Variants in PACRG observed in about 807,000 individuals in gnomAD.
The protein encoded by PACRG is parkin coregulated.
Under a neutral mutation model 29.7 loss-of-function variants are expected in PACRG, and 29 were observed. The ratio of observed to expected loss-of-function variants is 0.98; its 90% confidence interval spans 0.73 to 1.33. PACRG has a LOEUF of 1.33. PACRG is among the 40% of genes most tolerant of loss of function. The pLI is 0.00. For synonymous variants in PACRG, 116 were observed against 118.7 expected (o/e 0.98, Z 0.15); for missense variants, 279 against 316.2 (o/e 0.88, Z 0.89).
intron 4 of PACRG, among the ~76,000 whole-genome samples, chr6:163,284,856 G>A (rs1784341644): frequency 6.6e-6 from 1 of 152,074 alleles, no homozygotes; most frequent in African/African-American, 2.4e-5. Flanking sequence ...AGAAATACAG[G>A]TATCCCTCTC....
At chr6:162,856,469 A>G (rs1791408173) in intron 2 of PACRG, among the ~76,000 whole-genome samples, 1 of 152,170 alleles carries the variant, frequency 6.6e-6, no homozygotes, top group South Asian at 2.1e-4. Flanking sequence ...TCATTTCAAC[A>G]TGATGAAGGT....
chr6:163,163,604 C>T (rs111576860), intron 4 of PACRG, among the ~76,000 whole-genome samples: 216 of 152,128 alleles, frequency 1.4e-3, no homozygotes, highest in African/African-American at 4.9e-3. Context: ...ATTTAAATGC[C>T]GAGGATTTTA....
At chr6:163,268,525 A>G (rs2128178284) in intron 4 of PACRG, among the ~76,000 whole-genome samples, 1 of 152,322 alleles carries the variant, frequency 6.6e-6, no homozygotes, top group South Asian at 2.1e-4. Flanking sequence ...CACATTTCCA[A>G]CACTATAGTA....
In PACRG at chr6:162,772,216, C is replaced by T. The variant is rs1783274578; in HGVS notation, c.157-41931C>T. Among the ~76,000 whole-genome samples, 6 of 152,076 alleles carry T rather than the reference C, an allele frequency of 3.9e-5. No individual in the cohort carries two copies. The South Asian group carries it at 1.2e-3, about 32-fold the overall frequency. On this transcript the variant is annotated intron_variant, in intron 1 of 4. Transcript: ENST00000366888. Reference sequence around the variant, plus strand: ...GGATTTGTTTCCAGTCCATCATTAGCACCACTAAAATAATAGAAATTATTT... The same window carrying T: ...GGATTTGTTTCCAGTCCATCATTAGTACCACTAAAATAATAGAAATTATTT...
chr6:163,068,713 A>G (rs1480311819), intron 3 of PACRG, among the ~76,000 whole-genome samples: 1 of 151,978 alleles, frequency 6.6e-6, no homozygotes, highest in African/African-American at 2.4e-5. Context: ...ATTTCCTGAG[A>G]AATGTCCTTG....
intron 1 of PACRG, among the ~76,000 whole-genome samples, chr6:162,802,443 T>C (rs1207035705): frequency 6.6e-6 from 1 of 152,188 alleles, no homozygotes; most frequent in African/African-American, 2.4e-5. Flanking sequence ...AGTGCATTGG[T>C]TATACATATA....
intron 1 of PACRG, among the ~76,000 whole-genome samples, chr6:162,772,763 A>G (rs1358383479): frequency 1.3e-5 from 2 of 152,246 alleles, no homozygotes; most frequent in Non-Finnish European, 1.5e-5. Flanking sequence ...TACTAAGGAA[A>G]GGAACCAGGG....
rs138051941 is a variant in PACRG at position 163,211,716 on chromosome 6, T to C, written c.614-103111T>C. ...TTCCTCCCCCTATAAGAGTTACCAA[T>C]GTAAGCAGTCGAAATGGTTGAGCCT... On this transcript the variant is annotated intron_variant, in intron 4 of 4. Coordinates refer to ENST00000366888, the MANE Select transcript of PACRG (RefSeq NM_001080379.2). Among the ~76,000 whole-genome samples, 516 of 152,302 alleles carry C rather than the reference T, an allele frequency of 3.4e-3. 1 individual carries two copies. The highest frequency in any genetic ancestry group is 0.012 in the African/African-American group (497 of 41,574).
At chr6:163,027,365 A>G (rs73783975) in intron 2 of PACRG, among the ~76,000 whole-genome samples, 25,221 of 152,162 alleles carry the variant, frequency 0.17, 2,353 homozygotes, top group East Asian at 0.26. Flanking sequence ...ACTGAAAATT[A>G]TGCTATATTT....
At chr6:162,778,186 G>A (rs1206305631) in intron 1 of PACRG, among the ~76,000 whole-genome samples, 2 of 152,182 alleles carry the variant, frequency 1.3e-5, no homozygotes, top group African/African-American at 4.8e-5. Flanking sequence ...TGAGGCTAAA[G>A]GAAAAGTGAG....
At chr6:163,144,967 C>T (rs2128336012) in intron 4 of PACRG, among the ~76,000 whole-genome samples, 1 of 152,246 alleles carries the variant, frequency 6.6e-6, no homozygotes, top group Middle Eastern at 3.4e-3. Context: ...CTCTTTTCCC[C>T]ATCCCCTCTG....
intron 2 of PACRG, among the ~76,000 whole-genome samples, chr6:162,850,314 A>G (rs1482446553): frequency 6.6e-6 from 1 of 152,234 alleles, no homozygotes; most frequent in Non-Finnish European, 1.5e-5. Context: ...ATAGTGAAAT[A>G]TATAATTGGT....
At chr6:163,277,785 T>G (rs575755922) in intron 4 of PACRG, among the ~76,000 whole-genome samples, 11 of 152,028 alleles carry the variant, frequency 7.2e-5, no homozygotes, top group African/African-American at 2.6e-4. Context: ...TAAATTGTGC[T>G]GCTATAAGCA....
intron 3 of PACRG, among the ~76,000 whole-genome samples, chr6:163,079,528 C>T (rs963781955): frequency 6.6e-6 from 1 of 152,080 alleles, no homozygotes; most frequent in Non-Finnish European, 1.5e-5. Context: ...TTTATTATCT[C>T]CTTTATGAGG....
intron 4 of PACRG, among the ~76,000 whole-genome samples, chr6:163,252,647 A>G (rs966664533): frequency 5.3e-5 from 8 of 152,174 alleles, no homozygotes; most frequent in African/African-American, 1.9e-4. Flanking sequence ...TCCAGCTTTC[A>G]ATTTGTCAAC....
At chr6:163,304,587 C>T (rs1785126144) in intron 4 of PACRG, among the ~76,000 whole-genome samples, 1 of 152,058 alleles carries the variant, frequency 6.6e-6, no homozygotes. Flanking sequence ...GCCTAGTGCT[C>T]CAGGAATTCA....
intron 4 of PACRG, among the ~76,000 whole-genome samples, chr6:163,225,699 C>T (rs1177418175): frequency 1.3e-5 from 2 of 152,194 alleles, no homozygotes; most frequent in Non-Finnish European, 2.9e-5. Flanking sequence ...CCAGCAATCC[C>T]ACTTCTGGGT....
chr6:162,914,129 T>G (rs1441178700), intron 2 of PACRG, among the ~76,000 whole-genome samples: 1 of 152,166 alleles, frequency 6.6e-6, no homozygotes, highest in Non-Finnish European at 1.5e-5. Flanking sequence ...GCTAATCTAA[T>G]AAATGTTTGC....
chr6:163,186,364 C>T (rs145492640), intron 4 of PACRG, among the ~76,000 whole-genome samples: 1 of 152,206 alleles, frequency 6.6e-6, no homozygotes, highest in African/African-American at 2.4e-5. Flanking sequence ...CTCTCGTGTG[C>T]CCCCTTCAAC....
Sources: allele counts gnomAD v4.1 joint callset (sites outside exome capture counted in the v4.1 genomes callset), GRCh38; gene constraint gnomAD v4.1.1; transcripts MANE v1.5; gene names NCBI Gene and HGNC (gene_info 2026-07-23, HGNC 2026-07-21).